The following RFX7 variants were observed in gnomAD, a reference collection of about 807,000 sequenced individuals.
The protein encoded by RFX7 is regulatory factor X7, also known as DNA-binding protein RFX7.
RFX7 carries 26 observed loss-of-function variants against 111.8 expected under a neutral mutation model. That is an observed-to-expected ratio of 0.23 (90% CI 0.17 to 0.32). The LOEUF is 0.32. RFX7 is among the 10% of genes least tolerant of loss of function. The probability of loss-of-function intolerance (pLI) is 1.00; values close to 1 mark genes in which losing one functional copy is unlikely to be tolerated. For missense variants in RFX7, 1,573 were observed against 1,772.9 expected (o/e 0.89, Z 2.02); for synonymous variants, 624 against 624.4 (o/e 1.00, Z 0.01).
intron 2 of RFX7, among the ~76,000 whole-genome samples, chr15:56,200,574 G>A (rs1272897322): frequency 6.6e-6 from 1 of 152,078 alleles, no homozygotes; most frequent in East Asian, 1.9e-4. Flanking sequence ...GCCGAGGTGG[G>A]CGGATCACGA....
intron 3 of RFX7, among the ~76,000 whole-genome samples, chr15:56,165,702 C>T (rs2042774002): frequency 1.3e-5 from 2 of 152,048 alleles, no homozygotes; most frequent in African/African-American, 2.4e-5. Flanking sequence ...CTAGGGTATG[C>T]TAAGTTACCA....
intron 5 of RFX7, 103 bp from the exon 6 acceptor site, chr15:56,103,773 G>T: frequency 1.5e-6 from 1 of 686,686 alleles, no homozygotes; most frequent in African/African-American, 1.8e-5. Context: ...TGAAGCAAAG[G>T]ATCTTTCAAG....
chr15:56,164,186 TA>T (rs1436947100), intron 3 of RFX7, among the ~76,000 whole-genome samples: 1 of 152,260 alleles, frequency 6.6e-6, no homozygotes, highest in African/African-American at 2.4e-5. Flanking sequence ...TTCCTCTTTC[TA>T]AAATATGGCA....
Position 56,142,807 on chromosome 15 carries a change from C to T in RFX7, c.372G>A (p.Leu124=), listed in dbSNP as rs1451313351. 2 of 1,613,186 alleles carry T rather than the reference C, an allele frequency of 1.2e-6. No homozygotes were observed. Among genetic ancestry groups the T allele is most frequent in the African/African-American group, 2.7e-5 (2 of 75,018 alleles). The stretch of plus-strand genomic sequence containing the variant: ...ACTCATCATAGACTTCCTGTTTGGG[C>T]AGTGAAGTCTCCGGATGTTCCTCTA... The part of the protein sequence containing the change: ...NTLEEHPETS[L]PKQEVYDEYK... Residue 124 remains leucine, a synonymous_variant, in exon 5 of 10, where the codon CTG becomes CTA. Transcript: ENST00000559447.
At chr15:56,210,454 C>A (rs1409945385) in intron 2 of RFX7, among the ~76,000 whole-genome samples, 1 of 152,038 alleles carries the variant, frequency 6.6e-6, no homozygotes, top group African/African-American at 2.4e-5. Context: ...CTCAACACCA[C>A]CACCAATGGG....
chr15:56,140,357 CG>C (rs2042374146), intron 5 of RFX7, among the ~76,000 whole-genome samples: 1 of 152,108 alleles, frequency 6.6e-6, no homozygotes, highest in African/African-American at 2.4e-5. Context: ...GCGCAGTATT[CG>C]GGTGGGAGTG....
Position 56,232,751 on chromosome 15 carries a change from T to C in RFX7, c.161+10374A>G, listed in dbSNP as rs77621700. The stretch of plus-strand genomic sequence containing the variant: ...GATACCCTAAATCATCTCCCCCAAG[T>C]TAAAAGTTCCACAAATCTCTAGGGC... On this transcript the variant is annotated intron_variant, in intron 2 of 9. Coordinates refer to ENST00000559447, the MANE Select transcript of RFX7 (RefSeq NM_022841.7). Among the ~76,000 whole-genome samples, 699 of 152,254 alleles carry C rather than the reference T, an allele frequency of 4.6e-3. 12 individuals carry two copies. Among genetic ancestry groups the C allele is most frequent in the African/African-American group, 0.016 (682 of 41,552 alleles).
chr15:56,244,616 C>T (rs1458532429), upstream of RFX7, among the ~76,000 whole-genome samples: 3 of 150,320 alleles, frequency 2.0e-5, no homozygotes, highest in Admixed American at 2.0e-4. Context: ...TGCCCTCCCT[C>T]CTTTATACCG....
chr15:56,138,635 T>C (rs2042342273), intron 5 of RFX7, among the ~76,000 whole-genome samples: 1 of 152,304 alleles, frequency 6.6e-6, no homozygotes. Flanking sequence ...AATATTGTTA[T>C]GTGTGAATTT....
rs79209240 is a variant in RFX7 at position 56,148,023 on chromosome 15, G to A, written c.196-3540C>T. Among the ~76,000 whole-genome samples, 459 of 152,278 alleles carry A rather than the reference G, an allele frequency of 3.0e-3. 6 individuals carry two copies. The highest frequency in any genetic ancestry group is 6.8e-3 in the Middle Eastern group (2 of 294). On this transcript the variant is annotated intron_variant, in intron 3 of 9. Transcript: ENST00000559447. Reference sequence around the variant, plus strand: ...TTCTCAAAGAAAAGCTAGTGAAAACGGTTTCAAATTTAGGCAGAACCTCAA... The same window carrying A: ...TTCTCAAAGAAAAGCTAGTGAAAACAGTTTCAAATTTAGGCAGAACCTCAA...
intron 3 of RFX7, among the ~76,000 whole-genome samples, chr15:56,171,078 G>C (rs559820318): frequency 6.6e-6 from 1 of 152,200 alleles, no homozygotes; most frequent in Non-Finnish European, 1.5e-5. Flanking sequence ...AAGAGTTGCA[G>C]TATCTCAAAT....
At chr15:56,239,220 A>G (rs957409406) in intron 2 of RFX7, among the ~76,000 whole-genome samples, 1 of 152,168 alleles carries the variant, frequency 6.6e-6, no homozygotes. Flanking sequence ...TAAACAAGAA[A>G]TTCATTTATG....
At chr15:56,217,927 G>T (rs1406489686) in intron 2 of RFX7, among the ~76,000 whole-genome samples, 1 of 152,022 alleles carries the variant, frequency 6.6e-6, no homozygotes, top group South Asian at 2.1e-4. Flanking sequence ...CGAGCATTAT[G>T]TAAGGATATA....
At chr15:56,169,800 C>G (rs563990837) in intron 3 of RFX7, among the ~76,000 whole-genome samples, 1 of 148,636 alleles carries the variant, frequency 6.7e-6, no homozygotes, top group African/African-American at 2.5e-5. Context: ...TAGTTCCCCA[C>G]GAGCACTCTG....
chr15:56,243,385 G>T, intron 1 of RFX7, 60 bp downstream of exon 1: 1 of 863,946 alleles, frequency 1.2e-6, no homozygotes, highest in Non-Finnish European at 1.5e-6. Context: ...GAGGAGGAGG[G>T]GGAGGGGGAG....
Position 56,095,555 on chromosome 15 carries a change from G to T in RFX7, c.2173C>A (p.His725Asn). The change falls in exon 10 of 10, where the codon CAC becomes AAC. Residue 725 changes from histidine (H) to asparagine (N), a missense_variant. Physicochemically the swap from His to Asn is moderately conservative, Grantham distance 68. This residue lies in a region of RFX7 where 625 missense variants were observed against 632.2 expected (regional missense o/e 0.99). Transcript: ENST00000559447. ...TTCAAGGGTTGATTTGCTCCTATGTGTGAACTGACATTTACTGATACCTTG... is the reference window on the plus strand; with the variant it reads ...TTCAAGGGTTGATTTGCTCCTATGTTTGAACTGACATTTACTGATACCTTG... Reference protein sequence around the residue: ...PSKVSVNVSSHIGANQPLNSS... With the variant: ...PSKVSVNVSSNIGANQPLNSS... The T allele has an allele frequency of 6.2e-7, 1 of 1,613,910 alleles. No individual in the cohort carries two copies. Among genetic ancestry groups the T allele is most frequent in the South Asian group, 1.1e-5 (1 of 91,082 alleles).
At chr15:56,110,898 A>C (rs1261051821) in intron 5 of RFX7, among the ~76,000 whole-genome samples, 1 of 2,040 alleles carries the variant, frequency 4.9e-4, no homozygotes, top group African/African-American at 5.2e-4. Context: ...AGGTGAGGGG[A>C]GCCTCTGCCC....
At chr15:56,215,492 A>G (rs2043354708) in intron 2 of RFX7, among the ~76,000 whole-genome samples, 1 of 152,192 alleles carries the variant, frequency 6.6e-6, no homozygotes, top group East Asian at 1.9e-4. Context: ...GTGGTAAATT[A>G]TATGAACAGA....
At position 56,098,186 on chromosome 15, in the gene RFX7, T is replaced by G; in HGVS notation, c.1002A>C (p.Glu334Asp). The G allele has an allele frequency of 6.2e-7, 1 of 1,613,962 alleles. No individual in the cohort carries two copies. The highest frequency in any genetic ancestry group is 8.5e-7 in the Non-Finnish European group (1 of 1,179,848). Reference protein sequence around the residue: ...LPGESAAKKSESATSNGVTNL... With the variant: ...LPGESAAKKSDSATSNGVTNL... Reference sequence around the variant, plus strand: ...TAGTCACTCCATTGCTTGTAGCACTTTCTGACTTTTTTGCTGCAGATTCTC... The same window carrying G: ...TAGTCACTCCATTGCTTGTAGCACTGTCTGACTTTTTTGCTGCAGATTCTC... The change falls in exon 9 of 10, where the codon GAA becomes GAC. Residue 334 changes from glutamate to aspartate, a missense_variant. Coordinates refer to ENST00000559447, the MANE Select transcript of RFX7 (RefSeq NM_022841.7).
Sources: gnomAD v4.1 joint callset for allele counts (sites outside exome capture counted in the v4.1 genomes callset) on GRCh38, gnomAD v4.1.1 for gene constraint, gnomAD v4.1.1 regional missense constraint, MANE v1.5 for transcripts, NCBI Gene and HGNC (gene_info 2026-07-23, HGNC 2026-07-21) for gene names.